The following TAS2R1 variants were observed in gnomAD, a reference collection of about 807,000 sequenced individuals.
TAS2R1 encodes taste receptor type 2 member 1.
For synonymous variants in TAS2R1, 141 were observed against 134.2 expected (o/e 1.05, Z -0.35); for missense variants, 370 against 353.4 (o/e 1.05, Z -0.38).
chr5:9,695,185 C>T (rs1741333092), intron 1 of TAS2R1, among the ~76,000 whole-genome samples: 2 of 152,208 alleles, frequency 1.3e-5, no homozygotes, highest in South Asian at 4.1e-4. Flanking sequence ...AAAATCACTG[C>T]TATCATTGCT....
At chr5:9,777,877 G>GGTT in the TAS2R1 span, among the ~76,000 whole-genome samples, 1 of 142,910 alleles carries the variant, frequency 7.0e-6, no homozygotes, top group African/African-American at 2.5e-5. Context: ...GAGGCCAGGT[G>GGTT]TTTTTTTTTT....
upstream of TAS2R1, among the ~76,000 whole-genome samples, chr5:9,713,599 C>G (rs1734744164): frequency 6.6e-6 from 1 of 152,146 alleles, no homozygotes; most frequent in Non-Finnish European, 1.5e-5. Flanking sequence ...GTGCCTGTTG[C>G]TAGCACAGCT....
the TAS2R1 span, among the ~76,000 whole-genome samples, chr5:9,816,434 T>A: frequency 6.6e-6 from 1 of 151,682 alleles, no homozygotes; most frequent in Non-Finnish European, 1.5e-5. Context: ...AGAAAAAAAA[T>A]GAAAAATTAC....
chr5:9,797,508 T>A, the TAS2R1 span, among the ~76,000 whole-genome samples: 1 of 152,040 alleles, frequency 6.6e-6, no homozygotes, highest in South Asian at 2.1e-4. Context: ...AAAGCATGAA[T>A]TAACAGCAAA....
At chr5:9,762,824 C>T in the TAS2R1 span, among the ~76,000 whole-genome samples, 1 of 152,300 alleles carries the variant, frequency 6.6e-6, no homozygotes, top group East Asian at 1.9e-4. Flanking sequence ...TGCCTCTAAA[C>T]TTACTTAGGA....
At chr5:9,636,866 T>G (rs188801873) in intron 2 of TAS2R1, among the ~76,000 whole-genome samples, 1 of 152,246 alleles carries the variant, frequency 6.6e-6, no homozygotes, top group East Asian at 1.9e-4. Context: ...TGGTGGATTT[T>G]TATCCATTCT....
chr5:9,798,727 A>G, the TAS2R1 span, among the ~76,000 whole-genome samples: 1 of 152,200 alleles, frequency 6.6e-6, no homozygotes, highest in Non-Finnish European at 1.5e-5. Context: ...CAACAATTAA[A>G]TCAGGCTTGA....
In TAS2R1 at chr5:9,673,478, T is replaced by C. The variant is rs553210751; in HGVS notation, c.-241-13897A>G. Among the ~76,000 whole-genome samples the C allele has an allele frequency of 6.6e-5, 10 of 152,096 alleles. No homozygotes were observed. The East Asian group carries it at 1.2e-3, about 18-fold the overall frequency. ...TAATTTTCTACACTAATAAATGTTA[T>C]AAAATCATCACATATTTGTATCTAA... On this transcript the variant is annotated intron_variant, in intron 1 of 2. Coordinates refer to the TAS2R1 transcript ENST00000506620.
At chr5:9,766,879 C>T in the TAS2R1 span, among the ~76,000 whole-genome samples, 6 of 152,192 alleles carry the variant, frequency 3.9e-5, no homozygotes, top group Non-Finnish European at 5.9e-5. Flanking sequence ...ACAGAATCCT[C>T]TCTTGGTTTC....
chr5:9,862,650 T>A, the TAS2R1 span, among the ~76,000 whole-genome samples: 2 of 152,298 alleles, frequency 1.3e-5, no homozygotes, highest in Admixed American at 6.5e-5. Context: ...TCACCCAGAC[T>A]GGAATGCAGT....
chr5:9,735,358 T>A, the TAS2R1 span, among the ~76,000 whole-genome samples: 16 of 151,552 alleles, frequency 1.1e-4, no homozygotes, highest in South Asian at 2.9e-3. Context: ...CTGAAAAAAA[T>A]TTATGAGTTT....
the TAS2R1 span, among the ~76,000 whole-genome samples, chr5:9,786,629 G>A: frequency 1.3e-5 from 2 of 152,192 alleles, no homozygotes. Context: ...GGATGTAGCT[G>A]AGCATCGAGA....
At chr5:9,895,504 G>A in the TAS2R1 span, among the ~76,000 whole-genome samples, 2 of 152,310 alleles carry the variant, frequency 1.3e-5, no homozygotes, top group Admixed American at 6.5e-5. Flanking sequence ...CTGGAATAGC[G>A]CTGCCTCAAA....
intron 2 of TAS2R1, among the ~76,000 whole-genome samples, chr5:9,646,556 A>C (rs1740194732): frequency 6.6e-6 from 1 of 152,136 alleles, no homozygotes; most frequent in Non-Finnish European, 1.5e-5. Context: ...GTAGGAGTCA[A>C]ATTTATTTTT....
chr5:9,846,459 A>G, the TAS2R1 span, among the ~76,000 whole-genome samples: 1 of 152,176 alleles, frequency 6.6e-6, no homozygotes, highest in Non-Finnish European at 1.5e-5. Flanking sequence ...ATTTCTATGC[A>G]TTTGTCTTAG....
At chr5:9,743,589 T>C in the TAS2R1 span, among the ~76,000 whole-genome samples, 1 of 152,226 alleles carries the variant, frequency 6.6e-6, no homozygotes, top group African/African-American at 2.4e-5. Flanking sequence ...AACTGTATAA[T>C]TAGTGTCATT....
At chr5:9,849,357 A>C in the TAS2R1 span, among the ~76,000 whole-genome samples, 1 of 152,266 alleles carries the variant, frequency 6.6e-6, no homozygotes, top group Non-Finnish European at 1.5e-5. Flanking sequence ...CAAATGCTGG[A>C]GACCAAGCAT....
chr5:9,717,516 A>G, the TAS2R1 span, among the ~76,000 whole-genome samples: 8 of 152,194 alleles, frequency 5.3e-5, no homozygotes, highest in African/African-American at 1.9e-4. Context: ...AAAACAACAC[A>G]CAAGAATATC....
intron 1 of TAS2R1, among the ~76,000 whole-genome samples, chr5:9,692,238 T>G (rs1397095237): frequency 6.6e-6 from 1 of 152,132 alleles, no homozygotes; most frequent in Non-Finnish European, 1.5e-5. Flanking sequence ...CGGCTAGTAG[T>G]TCAGAGGCCA....
Sources: gnomAD v4.1 joint callset for allele counts (sites outside exome capture counted in the v4.1 genomes callset) on GRCh38, gnomAD v4.1.1 for gene constraint, MANE v1.5 for transcripts, NCBI Gene and HGNC (gene_info 2026-07-23, HGNC 2026-07-21) for gene names.